Variants in MICU2 observed in about 807,000 individuals in gnomAD.
MICU2 encodes the protein calcium uptake protein 2, mitochondrial.
A neutral mutation model predicts 60.4 loss-of-function variants in MICU2; 64 were observed. That is an observed-to-expected ratio of 1.06 (90% CI 0.87 to 1.31). The LOEUF is 1.31. Among genes scored for constraint, MICU2 ranks in the 50% most tolerant of loss-of-function variants. The pLI is 0.00. For missense variants in MICU2, 569 were observed against 531.0 expected (o/e 1.07, Z -0.70); for synonymous variants, 201 against 175.0 (o/e 1.15, Z -1.17).
At chr13:21,552,542 C>T (rs1887598334) in intron 2 of MICU2, among the ~76,000 whole-genome samples, 1 of 152,090 alleles carries the variant, frequency 6.6e-6, no homozygotes, top group African/African-American at 2.4e-5. Flanking sequence ...AGGTTTTCTT[C>T]TAGGGTTTTT....
intron 2 of MICU2, among the ~76,000 whole-genome samples, chr13:21,546,534 T>C (rs1887423860): frequency 6.6e-6 from 1 of 152,156 alleles, no homozygotes; most frequent in South Asian, 2.1e-4. Context: ...ACACATGCTA[T>C]GTGTAAGTTC....
rs183186259 is a variant in MICU2 at position 21,586,142 on chromosome 13, T to C, written c.210+17797A>G. Among the ~76,000 whole-genome samples the C allele has an allele frequency of 1.7e-3, 262 of 152,294 alleles. 3 individuals carry two copies. The highest frequency in any genetic ancestry group is 6.1e-3 in the African/African-American group (255 of 41,564). On this transcript the variant is annotated intron_variant, in intron 1 of 11. Transcript: ENST00000382374. Reference sequence around the variant, plus strand: ...GCTCTCATGGTTCAGTTTCACAGTTTTGTAAATTATCCCCTCTCCCCCTAA... The same window carrying C: ...GCTCTCATGGTTCAGTTTCACAGTTCTGTAAATTATCCCCTCTCCCCCTAA...
At chr13:21,539,456 A>G (rs1451904282) in intron 3 of MICU2, 79 bp from the exon 4 acceptor site, 7 of 1,397,106 alleles carry the variant, frequency 5.0e-6, no homozygotes, top group Non-Finnish European at 6.0e-6. Flanking sequence ...CCACCTCCAT[A>G]GCCGGCTAAT....
intron 2 of MICU2, among the ~76,000 whole-genome samples, chr13:21,550,151 T>G (rs984579839): frequency 2.0e-5 from 3 of 152,206 alleles, no homozygotes; most frequent in Non-Finnish European, 4.4e-5. Context: ...CAAAATCCAC[T>G]CTATCATCTC....
intron 6 of MICU2, among the ~76,000 whole-genome samples, chr13:21,515,027 T>C (rs1406529467): frequency 2.0e-5 from 3 of 152,090 alleles, no homozygotes; most frequent in Non-Finnish European, 4.4e-5. Context: ...CCTTTCAAGA[T>C]AATTTTTATT....
intron 9 of MICU2, 199 bp downstream of exon 9, chr13:21,502,727 A>T (rs1248100679): frequency 2.1e-6 from 1 of 475,488 alleles, no homozygotes. Context: ...TGGAAATGGA[A>T]AACTTGTAAT....
intron 7 of MICU2, 110 bp downstream of exon 7, chr13:21,514,239 TAAAA>T: frequency 2.4e-6 from 2 of 837,208 alleles, no homozygotes; most frequent in Non-Finnish European, 3.8e-6. Flanking sequence ...ATGACTGTAT[TAAAA>T]AAATTAAATT....
intron 2 of MICU2, among the ~76,000 whole-genome samples, chr13:21,546,040 C>A (rs1384259353): frequency 2.3e-4 from 35 of 152,104 alleles, no homozygotes; most frequent in Admixed American, 2.2e-3. Flanking sequence ...TAAAAAAAAT[C>A]AATAAATAAA....
intron 1 of MICU2, among the ~76,000 whole-genome samples, chr13:21,600,829 C>T (rs1481747712): frequency 1.3e-5 from 2 of 150,662 alleles, no homozygotes; most frequent in African/African-American, 4.9e-5. Context: ...CGGAGTCTTG[C>T]TCTGTCGCCC....
intron 2 of MICU2, among the ~76,000 whole-genome samples, chr13:21,546,302 T>TC (rs1408830770): frequency 6.6e-6 from 1 of 151,862 alleles, no homozygotes; most frequent in East Asian, 1.9e-4. Flanking sequence ...AGACTTTTTT[T>TC]TTTTTTTTTT....
At position 21,559,922 on chromosome 13, in the gene MICU2, G is replaced by T. The variant is rs115603741; in HGVS notation, c.358+6875C>A. Among the ~76,000 whole-genome samples, 652 of 152,270 alleles carry T rather than the reference G, an allele frequency of 4.3e-3. 5 individuals are homozygous for T. The highest frequency in any genetic ancestry group is 0.014 in the African/African-American group (601 of 41,558). ...ACTTTTGTCTTTAACAAAATTAATT[G>T]TTGCTAATCTTATATAAAATTATAT... On this transcript the variant is annotated intron_variant, in intron 2 of 11. Transcript: ENST00000382374.
chr13:21,561,851 TCCCTCCC>T (rs1406540381), intron 2 of MICU2, among the ~76,000 whole-genome samples: 1 of 108,388 alleles, frequency 9.2e-6, no homozygotes, highest in African/African-American at 3.5e-5. Context: ...CCTAATGCTA[TCCCTCCC>T]CCCTCCCCCC....
At chr13:21,594,496 AAT>A (rs1888650647) in intron 1 of MICU2, among the ~76,000 whole-genome samples, 2 of 152,234 alleles carry the variant, frequency 1.3e-5, no homozygotes, top group Admixed American at 6.5e-5. Context: ...TAGAACCAGA[AAT>A]ACCATTTGAC....
intron 1 of MICU2, among the ~76,000 whole-genome samples, chr13:21,584,214 C>G (rs1435038247): frequency 2.0e-5 from 3 of 151,804 alleles, no homozygotes; most frequent in Middle Eastern, 3.2e-3. Context: ...AGGGTGAAAC[C>G]CCGTCTCTAC....
intron 1 of MICU2, among the ~76,000 whole-genome samples, chr13:21,593,042 A>C (rs1888616648): frequency 2.0e-5 from 3 of 152,188 alleles, no homozygotes; most frequent in Admixed American, 2.0e-4. Context: ...GAAAGAAATA[A>C]AGGGTATTCG....
In MICU2 at chr13:21,532,070, T is replaced by C. The variant is rs557969456; in HGVS notation, c.466+7232A>G. Among the ~76,000 whole-genome samples, 6 of 152,310 alleles carry C rather than the reference T, an allele frequency of 3.9e-5. No individual in the cohort carries two copies. The East Asian group carries it at 5.8e-4, about 15-fold the overall frequency. On this transcript the variant is annotated intron_variant, in intron 4 of 11. Coordinates refer to ENST00000382374, the MANE Select transcript of MICU2 (RefSeq NM_152726.3). ...CCTCCCAAGTCTTCCTCTGCCAATATGAAAAGCTGCTCCACAAATCTTGCC... is the reference window on the plus strand; with the variant it reads ...CCTCCCAAGTCTTCCTCTGCCAATACGAAAAGCTGCTCCACAAATCTTGCC...
chr13:21,495,497 A>G (rs965331299), intron 10 of MICU2, 179 bp from the exon 11 acceptor site: 2 of 563,734 alleles, frequency 3.5e-6, no homozygotes, highest in South Asian at 2.8e-5. Flanking sequence ...GAATGTCATG[A>G]GAGTCACTGC....
chr13:21,579,252 CAT>C (rs1888292216), intron 1 of MICU2, among the ~76,000 whole-genome samples: 1 of 151,578 alleles, frequency 6.6e-6, no homozygotes, highest in South Asian at 2.1e-4. Context: ...AGTAAATAAA[CAT>C]ATAAATTGCA....
At chr13:21,541,228 CT>C (rs2138003543) in intron 2 of MICU2, among the ~76,000 whole-genome samples, 1 of 151,904 alleles carries the variant, frequency 6.6e-6, no homozygotes, top group East Asian at 1.9e-4. Context: ...GGCTAGATTC[CT>C]TTTTGGTCTT....
Sources: gnomAD v4.1 joint callset for allele counts (sites outside exome capture counted in the v4.1 genomes callset) on GRCh38, gnomAD v4.1.1 for gene constraint, MANE v1.5 for transcripts, NCBI Gene and HGNC (gene_info 2026-07-23, HGNC 2026-07-21) for gene names.